Variants in IL1RAPL1 observed in about 807,000 individuals in gnomAD.
IL1RAPL1 encodes the protein interleukin 1 receptor accessory protein like 1, also known as interleukin-1 receptor accessory protein-like 1.
Under a neutral mutation model 48.4 loss-of-function variants are expected in IL1RAPL1, and 3 were observed. That is an observed-to-expected ratio of 0.06 (90% confidence interval 0.03 to 0.16). The LOEUF is 0.16. Among genes scored for constraint, IL1RAPL1 ranks in the 10% least tolerant of loss-of-function variants. IL1RAPL1 has a pLI of 1.00. For missense variants in IL1RAPL1, 349 were observed against 530.6 expected (o/e 0.66, Z 3.36); for synonymous variants, 185 against 187.7 (o/e 0.99, Z 0.12).
At position 29,045,447 on chromosome X, in the gene IL1RAPL1, C is replaced by T. The variant is rs186052157; in HGVS notation, c.83-237491C>T. Among the ~76,000 whole-genome samples, 686 of 111,659 alleles carry T rather than the reference C, an allele frequency of 6.1e-3. 8 individuals carry two copies. Among genetic ancestry groups the T allele is most frequent in the African/African-American group, 0.021 (653 of 30,761 alleles). On this transcript the variant is annotated intron_variant, in intron 2 of 10. Coordinates refer to ENST00000378993, the MANE Select transcript of IL1RAPL1 (RefSeq NM_014271.4). ...TGTTCTTTATTAGGTTTCTTTTCATCGTACATGTACATATTCATTTGGAAA... is the reference window on the plus strand; with the variant it reads ...TGTTCTTTATTAGGTTTCTTTTCATTGTACATGTACATATTCATTTGGAAA...
chrX:28,904,492 T>G (rs1339227507), intron 2 of IL1RAPL1, among the ~76,000 whole-genome samples: 1 of 112,191 alleles, frequency 8.9e-6, no homozygotes, highest in Middle Eastern at 4.7e-3. Flanking sequence ...GCACAATAAA[T>G]CATTATTATC....
intron 6 of IL1RAPL1, among the ~76,000 whole-genome samples, chrX:29,820,000 A>C (rs935370714): frequency 9.4e-6 from 1 of 106,861 alleles, no homozygotes; most frequent in Non-Finnish European, 1.9e-5. Context: ...TATATTATAT[A>C]AACATTATTT....
At chrX:29,277,804 TG>T (rs1932142225) in intron 2 of IL1RAPL1, among the ~76,000 whole-genome samples, 1 of 112,234 alleles carries the variant, frequency 8.9e-6, no homozygotes. Flanking sequence ...ATCTTGGAAA[TG>T]GGACCCAAGT....
intron 1 of IL1RAPL1, among the ~76,000 whole-genome samples, chrX:28,747,136 A>G (rs1935988760): frequency 9.0e-6 from 1 of 110,756 alleles, no homozygotes; most frequent in South Asian, 3.8e-4. Context: ...CTCCTACCAT[A>G]TTTCATGTTA....
chrX:29,187,590 C>G (rs1930275958), intron 2 of IL1RAPL1, among the ~76,000 whole-genome samples: 1 of 111,494 alleles, frequency 9.0e-6, no homozygotes, highest in South Asian at 3.8e-4. Flanking sequence ...GAGACACTGT[C>G]TTCATCTTCC....
chrX:29,586,087 A>G (rs573261496), intron 5 of IL1RAPL1, among the ~76,000 whole-genome samples: 1 of 111,760 alleles, frequency 8.9e-6, no homozygotes, highest in Non-Finnish European at 1.9e-5. Context: ...TTGGTTGCCT[A>G]TGCTTTTGGT....
chrX:28,893,793 T>A (rs981596812), intron 2 of IL1RAPL1, among the ~76,000 whole-genome samples: 3 of 111,922 alleles, frequency 2.7e-5, no homozygotes, highest in Non-Finnish European at 5.6e-5. Context: ...TATGAAATGA[T>A]GACAGAACAG....
chrX:28,636,890 A>G (rs111834232), intron 1 of IL1RAPL1, among the ~76,000 whole-genome samples: 2,407 of 111,734 alleles, frequency 0.022, 61 homozygotes, highest in African/African-American at 0.074. Context: ...AAGCATATGG[A>G]CACTTTACAC....
chrX:29,118,714 A>T (rs1384089292), intron 2 of IL1RAPL1, among the ~76,000 whole-genome samples: 3 of 111,630 alleles, frequency 2.7e-5, no homozygotes, highest in Non-Finnish European at 5.7e-5. Context: ...ATACTCAAGT[A>T]CTGATGCTTA....
In IL1RAPL1 at chrX:29,281,889, T is replaced by A. The variant is rs1391159158; in HGVS notation, c.83-1049T>A. On this transcript the variant is annotated intron_variant, in intron 2 of 10. Transcript: ENST00000378993. Reference sequence around the variant, plus strand: ...ATTTCTTTCTCACAGTTCTAGTGACTGGGAAGTCCAAGATCAAGGTACCAG... The same window carrying A: ...ATTTCTTTCTCACAGTTCTAGTGACAGGGAAGTCCAAGATCAAGGTACCAG... Among the ~76,000 whole-genome samples the A allele has an allele frequency of 3.6e-5, 4 of 112,130 alleles. No homozygotes were observed. The East Asian group carries it at 1.1e-3, about 31-fold the overall frequency.
At chrX:29,668,545 T>C (rs928196947) in intron 6 of IL1RAPL1, 41 bp downstream of exon 6, 10 of 952,301 alleles carry the variant, frequency 1.1e-5, no homozygotes, top group Non-Finnish European at 1.5e-5. Flanking sequence ...CTGCTCTCGT[T>C]ACATTGTGAC....
At chrX:28,858,714 G>A (rs1301105471) in intron 2 of IL1RAPL1, among the ~76,000 whole-genome samples, 1 of 112,453 alleles carries the variant, frequency 8.9e-6, no homozygotes, top group African/African-American at 3.2e-5. Flanking sequence ...TGCGCAACTC[G>A]CGTTATTGAG....
At chrX:29,665,709 G>C in intron 5 of IL1RAPL1, among the ~76,000 whole-genome samples, 1 of 112,033 alleles carries the variant, frequency 8.9e-6, no homozygotes, top group Non-Finnish European at 1.9e-5. Flanking sequence ...TGTGGTCTCT[G>C]GAAGTTTCCC....
At chrX:29,597,149 A>ATTTTTTTTTTTTTTTTTTTTTTTTTTTT (rs35180262) in intron 5 of IL1RAPL1, among the ~76,000 whole-genome samples, 1 of 55,969 alleles carries the variant, frequency 1.8e-5, no homozygotes, top group African/African-American at 6.7e-5. Flanking sequence ...TTTGTTGAGG[A>ATTTTTTTTTTTTTTTTTTTTTTTTTTTT]TTTTTTTTTT....
chrX:28,810,783 C>G (rs1315138202), intron 2 of IL1RAPL1, among the ~76,000 whole-genome samples: 1 of 109,858 alleles, frequency 9.1e-6, no homozygotes, highest in Non-Finnish European at 1.9e-5. Context: ...ATTTGCTTCA[C>G]AACCCCATAT....
intron 8 of IL1RAPL1, among the ~76,000 whole-genome samples, chrX:29,928,628 GGACT>G (rs1205355443): frequency 8.9e-6 from 1 of 112,025 alleles, no homozygotes; most frequent in Non-Finnish European, 1.9e-5. Flanking sequence ...CCTTACTAGT[GGACT>G]GACTGACCGC....
chrX:28,993,320 T>C (rs1375896157), intron 2 of IL1RAPL1, among the ~76,000 whole-genome samples: 1 of 111,706 alleles, frequency 9.0e-6, no homozygotes, highest in African/African-American at 3.3e-5. Context: ...ATATAAAAAA[T>C]GGGTTAGAAG....
chrX:28,729,653 C>T (rs1317104641), intron 1 of IL1RAPL1, among the ~76,000 whole-genome samples: 1 of 110,579 alleles, frequency 9.0e-6, no homozygotes, highest in Non-Finnish European at 1.9e-5. Context: ...AAATGGGAAG[C>T]TAACTGAGCT....
At chrX:29,912,381 GTTC>G (rs1299419166) in intron 6 of IL1RAPL1, among the ~76,000 whole-genome samples, 1 of 111,963 alleles carries the variant, frequency 8.9e-6, no homozygotes, top group Admixed American at 9.5e-5. Context: ...TATGTATTGA[GTTC>G]TTAATATATT....
Sources: gnomAD v4.1 joint callset for allele counts (sites outside exome capture counted in the v4.1 genomes callset) on GRCh38, gnomAD v4.1.1 for gene constraint, MANE v1.5 for transcripts, NCBI Gene and HGNC (gene_info 2026-07-23, HGNC 2026-07-21) for gene names.